Variants in AGBL1 observed in about 807,000 individuals in gnomAD.
AGBL1 encodes cytosolic carboxypeptidase 4.
Under a neutral mutation model 118.9 loss-of-function variants are expected in AGBL1, and 130 were observed. That is an observed-to-expected ratio of 1.09 (90% confidence interval 0.95 to 1.26). AGBL1 has a LOEUF of 1.26. Among genes scored for constraint, AGBL1 ranks in the 50% most tolerant of loss-of-function variants. AGBL1 has a pLI of 0.00. For missense variants in AGBL1, 1,584 were observed against 1,298.1 expected (o/e 1.22, Z -3.38); for synonymous variants, 555 against 478.9 (o/e 1.16, Z -2.08).
At chr15:86,432,846 C>A (rs1428030901) in intron 18 of AGBL1, among the ~76,000 whole-genome samples, 2 of 152,100 alleles carry the variant, frequency 1.3e-5, no homozygotes, top group Admixed American at 6.5e-5. Flanking sequence ...TGAGGAGCAG[C>A]CCCTGGCAGG....
intron 18 of AGBL1, among the ~76,000 whole-genome samples, chr15:86,472,984 A>G (rs1484296689): frequency 6.6e-6 from 1 of 152,244 alleles, no homozygotes; most frequent in African/African-American, 2.4e-5. Context: ...ATCACAGTTA[A>G]TATTTTAATG....
At chr15:86,685,668 A>ATAC (rs558048496) in intron 22 of AGBL1, among the ~76,000 whole-genome samples, 8 of 152,268 alleles carry the variant, frequency 5.3e-5, no homozygotes, top group Non-Finnish European at 8.8e-5. Context: ...ATTATGATTA[A>ATAC]TACTATTTTA....
chr15:86,604,417 G>T (rs2084542228), intron 21 of AGBL1, among the ~76,000 whole-genome samples: 3 of 152,134 alleles, frequency 2.0e-5, no homozygotes, highest in Admixed American at 2.0e-4. Context: ...TATGGGACTT[G>T]GCCAAAGTTA....
chr15:86,718,442 G>A (rs1337271363), intron 22 of AGBL1, among the ~76,000 whole-genome samples: 2 of 152,084 alleles, frequency 1.3e-5, no homozygotes, highest in South Asian at 2.1e-4. Flanking sequence ...TGTAAATGAC[G>A]AGTTAATGGG....
chr15:86,310,844 A>C (rs550704087), intron 17 of AGBL1, among the ~76,000 whole-genome samples: 1 of 152,354 alleles, frequency 6.6e-6, no homozygotes, highest in Admixed American at 6.5e-5. Context: ...CATATGGATC[A>C]TAAATTCAAA....
At chr15:86,189,312 C>G (rs116132458) in intron 5 of AGBL1, among the ~76,000 whole-genome samples, 2 of 152,086 alleles carry the variant, frequency 1.3e-5, no homozygotes, top group East Asian at 3.9e-4. Flanking sequence ...GGTAACAAGC[C>G]TGTAGACACA....
At chr15:86,745,795 G>A (rs980691379) in intron 22 of AGBL1, among the ~76,000 whole-genome samples, 6 of 152,010 alleles carry the variant, frequency 3.9e-5, no homozygotes, top group Non-Finnish European at 8.8e-5. Flanking sequence ...TCTTGTTAAC[G>A]CAGTAAGATC....
chr15:86,640,153 T>C (rs1419406323), intron 21 of AGBL1, among the ~76,000 whole-genome samples: 5 of 152,174 alleles, frequency 3.3e-5, no homozygotes, highest in Non-Finnish European at 7.4e-5. Context: ...TCTGCAAAAA[T>C]AGGCTTTTTC....
At chr15:86,793,712 A>G (rs1219849724) in intron 22 of AGBL1, among the ~76,000 whole-genome samples, 1 of 152,224 alleles carries the variant, frequency 6.6e-6, no homozygotes, top group African/African-American at 2.4e-5. Flanking sequence ...TTTGCAAATC[A>G]TACGTCTGAT....
At chr15:86,590,566 A>T (rs1273544920) in intron 21 of AGBL1, among the ~76,000 whole-genome samples, 2 of 152,200 alleles carry the variant, frequency 1.3e-5, no homozygotes, top group Non-Finnish European at 2.9e-5. Flanking sequence ...GTATGTCTTT[A>T]TTAGCAGTGT....
chr15:86,416,631 T>C (rs745926727), intron 18 of AGBL1, among the ~76,000 whole-genome samples: 7 of 152,336 alleles, frequency 4.6e-5, no homozygotes, highest in African/African-American at 7.2e-5. Context: ...CAGTGCATTA[T>C]TGAGTGTTCT....
intron 22 of AGBL1, among the ~76,000 whole-genome samples, chr15:86,886,938 A>C (rs1051519322): frequency 6.6e-6 from 1 of 152,166 alleles, no homozygotes; most frequent in South Asian, 2.1e-4. Flanking sequence ...GTGTAATACC[A>C]AGTCTCCAAA....
chr15:86,801,817 A>G (rs1346255151), intron 22 of AGBL1, among the ~76,000 whole-genome samples: 1 of 152,110 alleles, frequency 6.6e-6, no homozygotes, highest in Non-Finnish European at 1.5e-5. Context: ...TAGTAAATAG[A>G]AAAGATCATT....
At chr15:86,606,690 A>G (rs2084582277) in intron 21 of AGBL1, among the ~76,000 whole-genome samples, 1 of 152,210 alleles carries the variant, frequency 6.6e-6, no homozygotes, top group Non-Finnish European at 1.5e-5. Flanking sequence ...GTTTAGATTT[A>G]TAGAAAAATT....
chr15:86,264,377 C>A lies in AGBL1; in HGVS notation c.1206C>A (p.Ser402=). The A allele has an allele frequency of 6.2e-7, 1 of 1,613,826 alleles. No homozygotes were observed. Residue 402 remains serine (S), a synonymous_variant, in exon 11 of 23, where the codon TCC becomes TCA. Coordinates refer to ENST00000614907, the MANE Select transcript of AGBL1 (RefSeq NM_001386094.1). ...ATTGCTACAGCAAGGACCAAAGCTCCTGTGGGCAAGAAAGAGAATATGCTG... is the reference window on the plus strand; with the variant it reads ...ATTGCTACAGCAAGGACCAAAGCTCATGTGGGCAAGAAAGAGAATATGCTG... ...KQHCYSKDQS[S]CGQEREYAVQ...
chr15:86,285,391 A>G (rs1322287954), intron 16 of AGBL1, among the ~76,000 whole-genome samples: 1 of 152,086 alleles, frequency 6.6e-6, no homozygotes, highest in Non-Finnish European at 1.5e-5. Flanking sequence ...TTTAGGTCCC[A>G]TAATTCTTAC....
chr15:86,117,501 A>T (rs1248614265), intron 1 of AGBL1, among the ~76,000 whole-genome samples: 1 of 152,182 alleles, frequency 6.6e-6, no homozygotes, highest in African/African-American at 2.4e-5. Context: ...GATACTTTAC[A>T]CAATTATCTC....
At chr15:86,290,526 A>AT in intron 16 of AGBL1, among the ~76,000 whole-genome samples, 1 of 150,958 alleles carries the variant, frequency 6.6e-6, no homozygotes, top group African/African-American at 2.4e-5. Flanking sequence ...ATTTTTATGT[A>AT]TTTTTAGTAG....
intron 18 of AGBL1, among the ~76,000 whole-genome samples, chr15:86,490,771 T>C (rs2082767846): frequency 6.6e-6 from 1 of 152,120 alleles, no homozygotes; most frequent in Admixed American, 6.6e-5. Context: ...TGTTTCTCAG[T>C]GGCACCTGCT....
Sources: allele counts gnomAD v4.1 joint callset (sites outside exome capture counted in the v4.1 genomes callset), GRCh38; gene constraint gnomAD v4.1.1; transcripts MANE v1.5; gene names NCBI Gene and HGNC (gene_info 2026-07-23, HGNC 2026-07-21).